The following ARHGEF28 variants were observed in gnomAD, a reference collection of about 807,000 sequenced individuals.
ARHGEF28 encodes 190 kDa guanine nucleotide exchange factor.
A neutral mutation model predicts 206.6 loss-of-function variants in ARHGEF28; 152 were observed. The observed-to-expected ratio is 0.74, with a 90% CI of 0.64 to 0.84. The LOEUF is 0.84. Ranked by LOEUF, ARHGEF28 falls within the 40% of genes least tolerant of loss-of-function variation. The pLI is 0.00. For missense variants in ARHGEF28, 2,028 were observed against 2,073.2 expected, an observed-to-expected ratio of 0.98 and a Z score of 0.42; for synonymous variants, 763 against 776.4, an observed-to-expected ratio of 0.98 and a Z score of 0.29.
At chr5:73,857,907 A>G in intron 15 of ARHGEF28, 128 bp downstream of exon 15, 1 of 1,387,392 alleles carries the variant, frequency 7.2e-7, no homozygotes, top group Non-Finnish European at 9.7e-7. Context: ...TTCTTATGGA[A>G]TATTGCTAAA....
intron 13 of ARHGEF28, among the ~76,000 whole-genome samples, chr5:73,850,747 C>T (rs1561455943): frequency 6.6e-6 from 1 of 152,124 alleles, no homozygotes; most frequent in African/African-American, 2.4e-5. Context: ...GGAAGGGTGT[C>T]TTTACCTTAC....
intron 33 of ARHGEF28, among the ~76,000 whole-genome samples, chr5:73,906,264 G>T (rs1762550633): frequency 6.6e-6 from 1 of 151,718 alleles, no homozygotes; most frequent in South Asian, 2.1e-4. Flanking sequence ...TTTGAGACAG[G>T]GTCTGGCTCT....
At chr5:73,893,354 G>T in intron 28 of ARHGEF28, 66 bp downstream of exon 28, 3 of 1,299,760 alleles carry the variant, frequency 2.3e-6, no homozygotes, top group Non-Finnish European at 3.1e-6. Context: ...AAGCCTGAGT[G>T]TCATGAACAG....
intron 2 of ARHGEF28, among the ~76,000 whole-genome samples, chr5:73,727,713 GTCC>G (rs1750366365): frequency 6.6e-6 from 1 of 152,168 alleles, no homozygotes; most frequent in African/African-American, 2.4e-5. Flanking sequence ...CTCGTTAAGT[GTCC>G]TCTTTGCCAG....
At chr5:73,939,812 T>C (rs1399476862) in intron 35 of ARHGEF28, among the ~76,000 whole-genome samples, 1 of 152,266 alleles carries the variant, frequency 6.6e-6, no homozygotes, top group East Asian at 1.9e-4. Context: ...CGTGTGTATA[T>C]CCATCTAAAT....
intron 35 of ARHGEF28, among the ~76,000 whole-genome samples, chr5:73,940,244 A>G (rs10462505): frequency 0.085 from 12,965 of 152,310 alleles, 792 homozygotes; most frequent in East Asian, 0.3. Context: ...ACCAGAAAAC[A>G]TCAAACCCAG....
Position 73,893,220 on chromosome 5 carries a change from G to C in ARHGEF28, c.3590G>C (p.Arg1197Thr). 1 of 1,555,162 alleles carries C rather than the reference G, an allele frequency of 6.4e-7. No individual in the cohort carries two copies. The highest frequency in any genetic ancestry group is 8.7e-7 in the Non-Finnish European group (1 of 1,149,812). ...VESCPEEKGG[R>T]TSESDEDKRK... ...AGTTGTCCTGAAGAAAAAGGGGGAA[G>C]GACAAGTGAATCTGATGAAGACAAG... Residue 1197 changes from arginine to threonine, a missense_variant, in exon 28 of 36, where the codon AGG becomes ACG. Arg to Thr is a moderately conservative substitution (Grantham distance 71). Around this residue, in one of 3 missense-constraint regions of ARHGEF28, gnomAD observed 803 missense variants for 768.0 expected, o/e 1.05. Coordinates refer to ENST00000513042, the MANE Select transcript of ARHGEF28 (RefSeq NM_001177693.2).
intron 25 of ARHGEF28, 120 bp downstream of exon 25, chr5:73,886,224 A>G: frequency 7.9e-7 from 1 of 1,263,330 alleles, no homozygotes; most frequent in Admixed American, 2.9e-5. Context: ...ACCCTGGGTC[A>G]GTTGAAAGAT....
chr5:73,887,614 C>G lies in ARHGEF28; in HGVS notation c.3322C>G (p.Leu1108Val). ...TTTTTTCTTTAAAGATATCCTAGCT[C>G]TACTTCTAACTGATGTGCTGCTCTT... ...ATGRFKDILA[L>V]LLTDVLLFLQ... Residue 1108 changes from leucine (L) to valine (V), a missense_variant, in exon 26 of 36, where the codon CTA becomes GTA. Transcript: ENST00000513042. 3 of 1,565,970 alleles carry G rather than the reference C, an allele frequency of 1.9e-6. No individual in the cohort carries two copies. Among genetic ancestry groups the G allele is most frequent in the Non-Finnish European group, 8.7e-7 (1 of 1,154,380 alleles).
chr5:73,780,849 G>T, intron 7 of ARHGEF28, 104 bp downstream of exon 7: 4 of 1,263,242 alleles, frequency 3.2e-6, no homozygotes, highest in Non-Finnish European at 4.5e-6. Flanking sequence ...GAATCAAGGG[G>T]CTCAGAGGCA....
At chr5:73,824,297 G>A (rs1046395536) in intron 9 of ARHGEF28, among the ~76,000 whole-genome samples, 2 of 152,094 alleles carry the variant, frequency 1.3e-5, no homozygotes, top group African/African-American at 2.4e-5. Flanking sequence ...GACCCTAGTC[G>A]GGAAGTTACT....
intron 11 of ARHGEF28, among the ~76,000 whole-genome samples, chr5:73,845,986 CAAAAAAAAAAA>C (rs57600570): frequency 6.3e-5 from 4 of 63,764 alleles, no homozygotes; most frequent in East Asian, 5.0e-4. Flanking sequence ...AAAACTGTCT[CAAAAAAAAAAA>C]AAAAAAAAAA....
At chr5:73,717,095 A>T (rs1749628569) in intron 2 of ARHGEF28, among the ~76,000 whole-genome samples, 1 of 152,162 alleles carries the variant, frequency 6.6e-6, no homozygotes, top group Non-Finnish European at 1.5e-5. Context: ...GAATCCTGAA[A>T]AATCCACCCA....
At chr5:73,712,584 A>T (rs1301307071) in intron 2 of ARHGEF28, among the ~76,000 whole-genome samples, 1 of 152,224 alleles carries the variant, frequency 6.6e-6, no homozygotes, top group Non-Finnish European at 1.5e-5. Context: ...TAAAAATTCC[A>T]GAAAACTGAG....
chr5:73,912,864 A>T (rs1051497427), intron 35 of ARHGEF28, among the ~76,000 whole-genome samples: 1 of 152,208 alleles, frequency 6.6e-6, no homozygotes, highest in African/African-American at 2.4e-5. Context: ...TGCTATTTAC[A>T]GTGCTTCATG....
At chr5:73,864,767 A>G (rs888976078) in intron 16 of ARHGEF28, 50 bp from the exon 17 acceptor site, 4 of 1,514,656 alleles carry the variant, frequency 2.6e-6, no homozygotes, top group Admixed American at 1.8e-5. Context: ...TATTAATTTC[A>G]GACTAATTAA....
Position 73,909,885 on chromosome 5 carries a change from G to T in ARHGEF28, c.4635G>T (p.Pro1545=). Reference sequence around the variant, plus strand: ...GGAGCCTGCCCGCGGTGCTCCTTCCGGGTGGCCCCGAGGTATGGACCTTCT... The same window carrying T: ...GGAGCCTGCCCGCGGTGCTCCTTCCTGGTGGCCCCGAGGTATGGACCTTCT... ...RQRSLPAVLL[P]GGPEVMELNR... Residue 1545 remains proline (P), a synonymous_variant, in exon 34 of 36, where the codon CCG becomes CCT. Transcript: ENST00000513042. 2 of 1,512,054 alleles carry T rather than the reference G, an allele frequency of 1.3e-6. No homozygotes were observed. Among genetic ancestry groups the T allele is most frequent in the South Asian group, 1.3e-5 (1 of 75,392 alleles). The allele number at this position is 1,512,054 out of a possible 1,614,324, so 93.7% of individuals were successfully genotyped here. A position where few individuals can be genotyped will look rare whatever the true frequency, so the allele number is the denominator to read the frequency against.
At chr5:73,725,934 T>C (rs1750243666) in intron 2 of ARHGEF28, among the ~76,000 whole-genome samples, 1 of 152,216 alleles carries the variant, frequency 6.6e-6, no homozygotes, top group African/African-American at 2.4e-5. Flanking sequence ...AGGGCTCAAC[T>C]GCAAGACATA....
Position 73,750,584 on chromosome 5 carries a change from G to T in ARHGEF28, c.181+600G>T, listed in dbSNP as rs1751971405. On this transcript the variant is annotated intron_variant, in intron 3 of 35. Coordinates refer to ENST00000513042, the MANE Select transcript of ARHGEF28 (RefSeq NM_001177693.2). The stretch of plus-strand genomic sequence containing the variant: ...AATTTCCCCTGTTGTCTTCTTGATA[G>T]ATGACAAATTAATATATCCTGTTCA... Among the ~76,000 whole-genome samples, 4 of 152,056 alleles carry T rather than the reference G, an allele frequency of 2.6e-5. No homozygotes were observed. In the South Asian group the frequency reaches 8.3e-4, roughly 32 times the overall value.
Sources: allele counts gnomAD v4.1 joint callset (sites outside exome capture counted in the v4.1 genomes callset), GRCh38; gene constraint gnomAD v4.1.1; regional missense constraint gnomAD v4.1.1; transcripts MANE v1.5; gene names NCBI Gene and HGNC (gene_info 2026-07-23, HGNC 2026-07-21).